Variants in RADX observed in about 807,000 individuals in gnomAD.
RADX encodes the protein RPA1 related single stranded DNA binding protein, X-linked, also known as RPA-related protein RADX.
Under a neutral mutation model 61.6 loss-of-function variants are expected in RADX, and 36 were observed. The observed-to-expected ratio is 0.58, with a 90% confidence interval of 0.45 to 0.77. RADX has a LOEUF of 0.77. Among genes scored for constraint, RADX ranks in the 30% least tolerant of loss-of-function variants. RADX has a pLI of 0.00. For synonymous variants in RADX, 272 were observed against 237.9 expected, an observed-to-expected ratio of 1.14 and a Z score of -1.32; for missense variants, 497 against 651.1, an observed-to-expected ratio of 0.76 and a Z score of 2.58.
At chrX:106,628,251 A>G (rs939877934) in intron 3 of RADX, among the ~76,000 whole-genome samples, 2 of 112,227 alleles carry the variant, frequency 1.8e-5, no homozygotes, top group Non-Finnish European at 3.8e-5. Context: ...AATTAGTCTA[A>G]TGGGGTGACA....
At chrX:106,662,900 G>A (rs1928138627) in intron 12 of RADX, among the ~76,000 whole-genome samples, 3 of 107,228 alleles carry the variant, frequency 2.8e-5, no homozygotes, top group Non-Finnish European at 3.8e-5. Context: ...GAAATTTAAA[G>A]AAGTCAAAAC....
At chrX:106,666,879 A>G (rs971794212) in intron 12 of RADX, among the ~76,000 whole-genome samples, 2 of 112,121 alleles carry the variant, frequency 1.8e-5, no homozygotes, top group African/African-American at 6.5e-5. Flanking sequence ...GGGAATATGG[A>G]TGAACTTATA....
intron 12 of RADX, among the ~76,000 whole-genome samples, chrX:106,664,241 G>GT (rs1356462404): frequency 1.9e-5 from 2 of 104,557 alleles, no homozygotes; most frequent in South Asian, 4.2e-4. Context: ...AATTGTTATT[G>GT]TTTTTTTTCT....
At chrX:106,651,186 G>A (rs1927785587) in intron 11 of RADX, among the ~76,000 whole-genome samples, 1 of 111,039 alleles carries the variant, frequency 9.0e-6, no homozygotes, top group African/African-American at 3.3e-5. Flanking sequence ...AACCTGCAGA[G>A]CATCAAAGAT....
Position 106,678,404 on chromosome X carries a change from G to T in RADX, c.*146G>T. On this transcript the variant is annotated 3_prime_UTR_variant, in exon 14 of 14. Transcript: ENST00000372548. ...TTAAGCAGTTTTATGTTCGTTTTGTGTTTAGGGAGCTTTTTAAAACACTTC... is the reference window on the plus strand; with the variant it reads ...TTAAGCAGTTTTATGTTCGTTTTGTTTTTAGGGAGCTTTTTAAAACACTTC... The T allele has an allele frequency of 2.6e-6, 1 of 388,809 alleles. No individual in the cohort carries two copies. Among genetic ancestry groups the T allele is most frequent in the African/African-American group, 2.5e-5 (1 of 40,529 alleles). 32.0% of individuals were successfully genotyped at this position (388,809 alleles called of 1,213,427 possible).
chrX:106,615,557 A>G (rs190322112), intron 1 of RADX, among the ~76,000 whole-genome samples: 4 of 112,106 alleles, frequency 3.6e-5, no homozygotes, highest in Non-Finnish European at 7.5e-5. Flanking sequence ...AAAACATTTT[A>G]AAAGTGCCTT....
Position 106,649,866 on chromosome X carries a change from A to C in RADX, c.1978+1480A>C, listed in dbSNP as rs1371077909. On this transcript the variant is annotated intron_variant, in intron 11 of 13. Transcript: ENST00000372548. ...TGAAAACCCACAAAAGAAAAACATTATAATATAAGTATCTAATCAAGCTCT... is the reference window on the plus strand; with the variant it reads ...TGAAAACCCACAAAAGAAAAACATTCTAATATAAGTATCTAATCAAGCTCT... Among the ~76,000 whole-genome samples the C allele has an allele frequency of 2.7e-5, 3 of 111,658 alleles. 1 individual carries two copies. The highest frequency in any genetic ancestry group is 9.8e-5 in the African/African-American group (3 of 30,764).
chrX:106,613,499 G>T (rs1249360662), intron 1 of RADX, among the ~76,000 whole-genome samples: 1 of 111,733 alleles, frequency 8.9e-6, no homozygotes, highest in Non-Finnish European at 1.9e-5. Context: ...AATGGGGAAA[G>T]AAATAAAATG....
chrX:106,612,568 C>A lies in RADX; in HGVS notation c.488C>A (p.Ser163Tyr). The change falls in exon 1 of 14, where the codon TCT becomes TAT. Residue 163 changes from serine (S) to tyrosine (Y), a missense_variant. Around this residue, in one of 3 missense-constraint regions of RADX, gnomAD observed 196 missense variants for 315.0 expected, o/e 0.62. Coordinates refer to ENST00000372548, the MANE Select transcript of RADX (RefSeq NM_018015.6). Reference sequence around the variant, plus strand: ...TGTGGGGAGACTTCAGACAGTATTTCTTTAGAAACTCCCTTCAGAAATAGA... The same window carrying A: ...TGTGGGGAGACTTCAGACAGTATTTATTTAGAAACTCCCTTCAGAAATAGA... Reference protein sequence around the residue: ...VHCGETSDSISLETPFRNRAH... With the variant: ...VHCGETSDSIYLETPFRNRAH... 1 of 1,211,338 alleles carries A rather than the reference C, an allele frequency of 8.3e-7. No individual in the cohort carries two copies. The highest frequency in any genetic ancestry group is 1.8e-5 in the South Asian group (1 of 56,944).
chrX:106,629,517 T>C (rs1308871330), intron 3 of RADX, among the ~76,000 whole-genome samples: 1 of 111,983 alleles, frequency 8.9e-6, no homozygotes, highest in Non-Finnish European at 1.9e-5. Flanking sequence ...CAAATAGCTT[T>C]ATAACTATTA....
intron 13 of RADX, among the ~76,000 whole-genome samples, chrX:106,669,560 C>A (rs73247948): frequency 0.026 from 2,885 of 111,482 alleles, 51 homozygotes; most frequent in Middle Eastern, 0.042. Context: ...TCTTATAATA[C>A]AATACAATTC....
intron 10 of RADX, among the ~76,000 whole-genome samples, chrX:106,647,606 C>T: frequency 9.0e-6 from 1 of 110,869 alleles, no homozygotes. Context: ...ACATTCCTAC[C>T]AACATTATAC....
chrX:106,653,510 T>TG (rs1472983240), intron 11 of RADX, among the ~76,000 whole-genome samples: 4 of 46,568 alleles, frequency 8.6e-5, no homozygotes, highest in Non-Finnish European at 1.6e-4. Flanking sequence ...TTATGTTTTA[T>TG]TTTATTTTAT....
Position 106,640,698 on chromosome X carries a change from T to C in RADX, c.1881T>C (p.Ile627=), listed in dbSNP as rs760867834. 3.4e-5 allele frequency: 40 copies of C among 1,190,000 alleles called. No homozygotes were observed. Among genetic ancestry groups the C allele is most frequent in the Non-Finnish European group, 4.2e-5 (37 of 883,263 alleles). The change falls in exon 10 of 14, where the codon ATT becomes ATC. Residue 627 remains isoleucine, a synonymous_variant. Transcript: ENST00000372548. The part of the protein sequence containing the change: ...TNLSLSNKIR[I]LQGPHANPVA... The stretch of plus-strand genomic sequence containing the variant: ...TAAGTCTGAGCAATAAAATAAGAAT[T>C]CTTCAAGGCCCACACGCTAATCCGT...
intron 11 of RADX, among the ~76,000 whole-genome samples, chrX:106,653,157 G>A (rs776490134): frequency 9.0e-6 from 1 of 111,402 alleles, no homozygotes; most frequent in Admixed American, 9.6e-5. Flanking sequence ...GGCAGAAAAT[G>A]TATAGCACCT....
intron 6 of RADX, among the ~76,000 whole-genome samples, chrX:106,635,410 T>C (rs1927335697): frequency 9.0e-6 from 1 of 111,605 alleles, no homozygotes; most frequent in African/African-American, 3.2e-5. Flanking sequence ...TTTTTCTAAA[T>C]TTATTTTATT....
intron 11 of RADX, 24 bp from the exon 12 acceptor site, chrX:106,661,991 T>C: frequency 1.7e-6 from 2 of 1,192,846 alleles, no homozygotes; most frequent in Non-Finnish European, 2.3e-6. Flanking sequence ...ATCAATTGTG[T>C]CTATCTCCTT....
intron 1 of RADX, among the ~76,000 whole-genome samples, chrX:106,614,276 A>G (rs1427748655): frequency 1.8e-5 from 2 of 112,021 alleles, no homozygotes; most frequent in Non-Finnish European, 3.8e-5. Context: ...TTTTAAAAAA[A>G]AGGAATTAAT....
intron 1 of RADX, among the ~76,000 whole-genome samples, chrX:106,621,147 G>A (rs753269146): frequency 3.6e-5 from 4 of 111,914 alleles, no homozygotes; most frequent in South Asian, 3.7e-4. Context: ...TCTGAGATTC[G>A]TCTGACGTTA....
Sources: allele counts gnomAD v4.1 joint callset (sites outside exome capture counted in the v4.1 genomes callset), GRCh38; gene constraint gnomAD v4.1.1; regional missense constraint gnomAD v4.1.1; transcripts MANE v1.5; gene names NCBI Gene and HGNC (gene_info 2026-07-23, HGNC 2026-07-21).